ANAPC1: variants seen among roughly 807,000 people sequenced by gnomAD.
The protein encoded by ANAPC1 is anaphase promoting complex subunit 1.
ANAPC1 carries 36 observed loss-of-function variants against 208.0 expected under a neutral mutation model. The observed-to-expected ratio is 0.17, with a 90% CI of 0.13 to 0.23. ANAPC1 has a LOEUF of 0.23. Ranked by LOEUF, ANAPC1 falls within the 10% of genes least tolerant of loss-of-function variation. The pLI is 1.00. For synonymous variants in ANAPC1, 378 were observed against 695.2 expected, an observed-to-expected ratio of 0.54 and a Z score of 7.18; for missense variants, 942 against 2,011.6, an observed-to-expected ratio of 0.47 and a Z score of 10.17.
intron 34 of ANAPC1, among the ~76,000 whole-genome samples, chr2:111,795,390 A>ATAAT (rs1281263374): frequency 7.0e-6 from 1 of 143,052 alleles, no homozygotes; most frequent in Non-Finnish European, 1.5e-5. Context: ...TCAAAAAAAA[A>ATAAT]AATAATAATA....
chr2:111,819,021 T>C, intron 26 of ANAPC1, 63 bp from the exon 27 acceptor site: 2 of 1,588,800 alleles, frequency 1.3e-6, no homozygotes, highest in Non-Finnish European at 1.7e-6. Flanking sequence ...TGAAATATCA[T>C]CTGTAAGTAT....
At chr2:111,837,066 T>C (rs554986042) in intron 18 of ANAPC1, among the ~76,000 whole-genome samples, 1 of 145,670 alleles carries the variant, frequency 6.9e-6, no homozygotes, top group African/African-American at 2.5e-5. Flanking sequence ...AAAATGGAAA[T>C]AGCCTAGATA....
intron 7 of ANAPC1, chr2:111,865,718 G>A (rs1190621112): frequency 1.3e-5 from 2 of 155,012 alleles, no homozygotes; most frequent in Non-Finnish European, 2.9e-5. Flanking sequence ...TCACAAATAA[G>A]CAACTTCTAG....
intron 46 of ANAPC1, among the ~76,000 whole-genome samples, chr2:111,772,742 G>A (rs1420038595): frequency 6.6e-6 from 1 of 152,154 alleles, no homozygotes; most frequent in Non-Finnish European, 1.5e-5. Flanking sequence ...CTATAAAGGT[G>A]CAGTGGTCAC....
intron 13 of ANAPC1, among the ~76,000 whole-genome samples, chr2:111,853,112 A>G (rs374507067): frequency 1.3e-5 from 2 of 152,226 alleles, no homozygotes; most frequent in Non-Finnish European, 2.9e-5. Flanking sequence ...TTGGCCCTTT[A>G]AAGTCTCTCT....
intron 11 of ANAPC1, chr2:111,857,132 T>C: frequency 2.3e-6 from 1 of 443,806 alleles, no homozygotes; most frequent in Non-Finnish European, 4.1e-6. Context: ...ATCTTGATTG[T>C]GGTGGTATTT....
intron 16 of ANAPC1, among the ~76,000 whole-genome samples, chr2:111,844,912 T>G (rs1680973444): frequency 6.6e-6 from 1 of 152,176 alleles, no homozygotes. Flanking sequence ...GTGGTGCAAT[T>G]ATAGCTCACT....
intron 43 of ANAPC1, among the ~76,000 whole-genome samples, chr2:111,781,807 C>T (rs77797441): frequency 0.18 from 26,834 of 151,320 alleles, 931 homozygotes; most frequent in Middle Eastern, 0.26. Flanking sequence ...CTGACCCCGC[C>T]GTGGGAATGA....
chr2:111,834,372 G>A (rs1195123252), intron 19 of ANAPC1, among the ~76,000 whole-genome samples: 11 of 151,922 alleles, frequency 7.2e-5, no homozygotes, highest in Admixed American at 5.3e-4. Flanking sequence ...CCATTTTTTC[G>A]TGACCTTCCA....
At chr2:111,790,863 GC>G (rs1450975439) in intron 38 of ANAPC1, among the ~76,000 whole-genome samples, 3 of 152,182 alleles carry the variant, frequency 2.0e-5, no homozygotes, top group African/African-American at 7.2e-5. Flanking sequence ...CCAATGTGGA[GC>G]AGTCAACCTC....
intron 46 of ANAPC1, among the ~76,000 whole-genome samples, chr2:111,774,982 T>C (rs1676928824): frequency 6.6e-6 from 1 of 152,080 alleles, no homozygotes; most frequent in South Asian, 2.1e-4. Context: ...AAAACATTTA[T>C]ATAGGCCAGG....
At chr2:111,808,755 G>A (rs1678823298) in intron 29 of ANAPC1, among the ~76,000 whole-genome samples, 192 bp downstream of exon 29, 1 of 151,618 alleles carries the variant, frequency 6.6e-6, no homozygotes, top group Non-Finnish European at 1.5e-5. Flanking sequence ...TTAATAACCT[G>A]CAGTTACATT....
rs548500753 is a variant in ANAPC1, at chr2:111,782,695, C to G, written c.5064-188G>C. ...AAGCCTAGAATAAAGTTCTGTTTTT[C>G]TTTGGTGTCTAGATTCATGGAACTT... On this transcript the variant is annotated intron_variant, in intron 42 of 47. Transcript: ENST00000341068. Among the ~76,000 whole-genome samples, 11 of 152,196 alleles carry G rather than the reference C, an allele frequency of 7.2e-5. No individual in the cohort carries two copies. The South Asian group carries it at 1.5e-3, about 20-fold the overall frequency.
Position 111,872,674 on chromosome 2 carries a change from A to T in ANAPC1, c.567T>A (p.Phe189Leu), listed in dbSNP as rs749924785. 3.7e-6 allele frequency: 6 copies of T among 1,613,812 alleles called. No homozygotes were observed. In the East Asian group the frequency reaches 1.1e-4, roughly 30 times the overall value. ...NVWPTKYGLLFERSASSHEVP... is the reference protein window; with the variant it reads ...NVWPTKYGLLLERSASSHEVP... Reference sequence around the variant, plus strand: ...CTTCATGTGAAGAAGCGCTTCGTTCAAACAGCAATCCATATTTAGTGGGCC... The same window carrying T: ...CTTCATGTGAAGAAGCGCTTCGTTCTAACAGCAATCCATATTTAGTGGGCC... The change falls in exon 6 of 48, where the codon TTT becomes TTA. Residue 189 changes from phenylalanine to leucine, a missense_variant. Coordinates refer to ENST00000341068, the MANE Select transcript of ANAPC1 (RefSeq NM_022662.4).
intron 20 of ANAPC1, 84 bp downstream of exon 20, chr2:111,833,136 A>G: frequency 1.4e-6 from 2 of 1,477,518 alleles, no homozygotes; most frequent in Non-Finnish European, 1.8e-6. Flanking sequence ...ATGGTAAGAA[A>G]TACATCCTCT....
intron 21 of ANAPC1, among the ~76,000 whole-genome samples, chr2:111,829,146 G>A (rs374841738): frequency 2.0e-5 from 3 of 152,084 alleles, no homozygotes; most frequent in South Asian, 4.1e-4. Flanking sequence ...CCTAGGTGGC[G>A]GAGGTTGCAG....
chr2:111,873,696 A>C (rs759128391), intron 3 of ANAPC1, 32 bp from the exon 4 acceptor site: 3 of 1,551,768 alleles, frequency 1.9e-6, no homozygotes, highest in East Asian at 4.6e-5. Context: ...TACCTAAGAA[A>C]ATTATATCTA....
At chr2:111,849,349 A>ATTTTTG (rs1410278477) in intron 14 of ANAPC1, among the ~76,000 whole-genome samples, 1 of 151,712 alleles carries the variant, frequency 6.6e-6, no homozygotes, top group African/African-American at 2.4e-5. Flanking sequence ...ATTCTTCCAA[A>ATTTTTG]TCACACAGAA....
At chr2:111,790,843 C>CCTT (rs1677835809) in intron 38 of ANAPC1, among the ~76,000 whole-genome samples, 1 of 152,110 alleles carries the variant, frequency 6.6e-6, no homozygotes, top group African/African-American at 2.4e-5. Context: ...GTAATCAATA[C>CCTT]AAAGCTAAAC....
Sources: gnomAD v4.1 joint callset for allele counts (sites outside exome capture counted in the v4.1 genomes callset) on GRCh38, gnomAD v4.1.1 for gene constraint, MANE v1.5 for transcripts, NCBI Gene and HGNC (gene_info 2026-07-23, HGNC 2026-07-21) for gene names.